BANF2: variants seen among roughly 807,000 people sequenced by gnomAD.
BANF2 encodes the protein barrier-to-autointegration factor-like protein.
A neutral mutation model predicts 8.0 loss-of-function variants in BANF2; 4 were observed. The ratio of observed to expected loss-of-function variants is 0.50; its 90% CI spans 0.25 to 1.14. The LOEUF (loss-of-function observed/expected upper bound fraction) is 1.14. Ranked by LOEUF, BANF2 falls within the 50% of genes most tolerant of loss-of-function variation. BANF2 has a pLI of 0.16. For synonymous variants in BANF2, 50 were observed against 40.6 expected (o/e 1.23, Z -0.88); for missense variants, 96 against 107.5 (o/e 0.89, Z 0.47).
chr20:17,705,096 T>A (rs1354357583), intron 1 of BANF2, among the ~76,000 whole-genome samples: 2 of 151,820 alleles, frequency 1.3e-5, no homozygotes, highest in Admixed American at 6.6e-5. Flanking sequence ...CCAGGCCTGG[T>A]CATGTGTGTT....
intron 1 of BANF2, among the ~76,000 whole-genome samples, chr20:17,708,045 TCAA>T (rs76499273): frequency 3.4e-5 from 2 of 58,566 alleles, no homozygotes; most frequent in Non-Finnish European, 6.9e-5. Context: ...CTACTAAAAA[TCAA>T]AAAAAAAAAA....
At chr20:17,721,461 A>G (rs1260988672) in intron 1 of BANF2, among the ~76,000 whole-genome samples, 1 of 150,602 alleles carries the variant, frequency 6.6e-6, no homozygotes, top group Non-Finnish European at 1.5e-5. Flanking sequence ...GCGCAATCTC[A>G]GCTCACTGCA....
chr20:17,718,439 C>T (rs182309876), intron 1 of BANF2, among the ~76,000 whole-genome samples: 20 of 152,194 alleles, frequency 1.3e-4, no homozygotes, highest in Non-Finnish European at 2.5e-4. Flanking sequence ...CCTCCCGAAG[C>T]GCTGGGATTA....
intron 1 of BANF2, among the ~76,000 whole-genome samples, chr20:17,721,866 T>C (rs914771093): frequency 2.0e-5 from 3 of 151,118 alleles, no homozygotes; most frequent in Non-Finnish European, 3.0e-5. Context: ...TCATTACTTA[T>C]AGCCCAGGGT....
intron 3 of BANF2, among the ~76,000 whole-genome samples, chr20:17,729,612 T>G (rs139679498): frequency 2.0e-5 from 3 of 152,316 alleles, no homozygotes; most frequent in African/African-American, 7.2e-5. Flanking sequence ...GGTACATGCC[T>G]GTAGTCCCAG....
chr20:17,721,669 G>A (rs1179346899), intron 1 of BANF2, among the ~76,000 whole-genome samples: 2 of 152,172 alleles, frequency 1.3e-5, no homozygotes, highest in Non-Finnish European at 1.5e-5. Flanking sequence ...TGCGATTACA[G>A]GTGTGAGCCA....
upstream of BANF2, among the ~76,000 whole-genome samples, chr20:17,696,190 A>C (rs2037345109): frequency 6.6e-6 from 1 of 152,076 alleles, no homozygotes; most frequent in Non-Finnish European, 1.5e-5. Context: ...TTTATTGTAG[A>C]GATAGGGTCT....
At chr20:17,708,460 T>C (rs930501280) in intron 1 of BANF2, among the ~76,000 whole-genome samples, 8 of 152,204 alleles carry the variant, frequency 5.3e-5, no homozygotes, top group African/African-American at 2.4e-5. Flanking sequence ...AATCTAAACG[T>C]TGGGCTTCTC....
chr20:17,708,776 G>C (rs1321787472), intron 1 of BANF2, among the ~76,000 whole-genome samples: 1 of 152,002 alleles, frequency 6.6e-6, no homozygotes, highest in East Asian at 1.9e-4. Flanking sequence ...CTTTTTTCCA[G>C]CTTAAACTCT....
intron 2 of BANF2, among the ~76,000 whole-genome samples, chr20:17,723,901 A>G (rs2037766017): frequency 6.6e-6 from 1 of 152,200 alleles, no homozygotes; most frequent in Non-Finnish European, 1.5e-5. Flanking sequence ...AGGCTGAGGC[A>G]GGAGAATAGC....
intron 1 of BANF2, among the ~76,000 whole-genome samples, chr20:17,701,201 G>GAAA (rs2037404057): frequency 6.6e-6 from 1 of 152,114 alleles, no homozygotes; most frequent in Admixed American, 6.5e-5. Flanking sequence ...ACTGGAAAAG[G>GAAA]AAAAAAGACA....
chr20:17,696,961 A>G (rs75559929), upstream of BANF2, among the ~76,000 whole-genome samples: 15,184 of 151,980 alleles, frequency 0.1, 955 homozygotes, highest in Middle Eastern at 0.22. Context: ...GGTGATGATG[A>G]TGATGGTGAT....
At chr20:17,694,626 T>TGAGACAGGG (rs2037330399) in intron 1 of BANF2, among the ~76,000 whole-genome samples, 1 of 122,238 alleles carries the variant, frequency 8.2e-6, no homozygotes, top group Non-Finnish European at 1.7e-5. Flanking sequence ...TTTTTTTTTT[T>TGAGACAGGG]TTTTTTTATT....
At chr20:17,716,326 C>T (rs1388856828) in intron 1 of BANF2, among the ~76,000 whole-genome samples, 1 of 152,000 alleles carries the variant, frequency 6.6e-6, no homozygotes, top group African/African-American at 2.4e-5. Context: ...GAAGGTTACC[C>T]CCCTTCTTTT....
intron 3 of BANF2, among the ~76,000 whole-genome samples, chr20:17,727,905 A>G (rs551400084): frequency 1.3e-5 from 2 of 151,988 alleles, no homozygotes; most frequent in East Asian, 3.9e-4. Context: ...TGCCCAGCTA[A>G]TTTTTTGTGT....
At chr20:17,725,294 C>G in intron 3 of BANF2, 143 bp downstream of exon 3, 1 of 1,042,656 alleles carries the variant, frequency 9.6e-7, no homozygotes, top group Non-Finnish European at 1.4e-6. Flanking sequence ...CACATGCTTT[C>G]GTGCTATTGA....
chr20:17,704,674 T>C (rs118169519), intron 1 of BANF2, among the ~76,000 whole-genome samples: 2,682 of 152,334 alleles, frequency 0.018, 33 homozygotes, highest in Middle Eastern at 0.048. Context: ...TTAATTATCA[T>C]TGTGTCCCTT....
chr20:17,697,134 C>T (rs1299198690), upstream of BANF2, among the ~76,000 whole-genome samples: 1 of 152,126 alleles, frequency 6.6e-6, no homozygotes, highest in African/African-American at 2.4e-5. Flanking sequence ...TTAATCCTAA[C>T]AGGCCAGCAG....
intron 1 of BANF2, among the ~76,000 whole-genome samples, chr20:17,721,398 CTTT>C (rs753833970): frequency 1.1e-4 from 2 of 18,748 alleles, no homozygotes; most frequent in African/African-American, 2.5e-4. Flanking sequence ...TTCTTTCTTT[CTTT>C]TTTTTTTTAA....
Sources: allele counts gnomAD v4.1 joint callset (sites outside exome capture counted in the v4.1 genomes callset), GRCh38; gene constraint gnomAD v4.1.1; transcripts MANE v1.5; gene names NCBI Gene and HGNC (gene_info 2026-07-23, HGNC 2026-07-21).